Variants in SGCD observed in about 807,000 individuals in gnomAD.
SGCD encodes sarcoglycan delta, also known as delta-sarcoglycan.
SGCD carries 18 observed loss-of-function variants against 36.6 expected under a neutral mutation model. The observed-to-expected ratio is 0.49, with a 90% confidence interval of 0.34 to 0.73. The LOEUF (loss-of-function observed/expected upper bound fraction) is 0.73, where lower values mean the gene tolerates loss of function less well. Among genes scored for constraint, SGCD ranks in the 30% least tolerant of loss-of-function variants. The pLI is 0.01. For synonymous variants in SGCD, 133 were observed against 130.6 expected (o/e 1.02, Z -0.12); for missense variants, 387 against 346.7 (o/e 1.12, Z -0.92).
At position 156,415,869 on chromosome 5, in the gene SGCD, C is replaced by T. The variant is rs191882385; in HGVS notation, c.192+71192C>T. Among the ~76,000 whole-genome samples the T allele has an allele frequency of 3.2e-3, 485 of 152,188 alleles. 2 individuals carry two copies. Among genetic ancestry groups the T allele is most frequent in the Non-Finnish European group, 4.6e-3 (312 of 67,994 alleles). On this transcript the variant is annotated intron_variant, in intron 3 of 8. Coordinates refer to ENST00000337851, the MANE Select transcript of SGCD (RefSeq NM_000337.6). Reference sequence around the variant, plus strand: ...AATTTACTTCTAATTAGGGGAAAGTCGCTTTAAAACTTTTAGCTAAAATAG... The same window carrying T: ...AATTTACTTCTAATTAGGGGAAAGTTGCTTTAAAACTTTTAGCTAAAATAG...
chr5:155,856,916 C>T, the SGCD span, among the ~76,000 whole-genome samples: 4 of 152,074 alleles, frequency 2.6e-5, no homozygotes, highest in Admixed American at 2.0e-4. Flanking sequence ...GCAACCACTT[C>T]GAAAACAGCT....
At chr5:156,615,094 C>G (rs1761972180) in intron 6 of SGCD, among the ~76,000 whole-genome samples, 1 of 152,140 alleles carries the variant, frequency 6.6e-6, no homozygotes, top group Non-Finnish European at 1.5e-5. Context: ...GCTTTAATTT[C>G]AGAACACATT....
intron 7 of SGCD, among the ~76,000 whole-genome samples, chr5:156,703,166 C>T (rs990142295): frequency 6.6e-6 from 1 of 152,150 alleles, no homozygotes; most frequent in Admixed American, 6.5e-5. Context: ...TCTCATGTCT[C>T]CTGCTAGCAT....
At chr5:156,206,868 C>T (rs1764294290) in intron 3 of SGCD, among the ~76,000 whole-genome samples, 1 of 151,834 alleles carries the variant, frequency 6.6e-6, no homozygotes, top group African/African-American at 2.4e-5. Flanking sequence ...AAGGTGACTC[C>T]CTAGGCTCTT....
chr5:155,950,884 C>A (rs990639324), intron 1 of SGCD, among the ~76,000 whole-genome samples: 2 of 152,138 alleles, frequency 1.3e-5, no homozygotes, highest in Non-Finnish European at 2.9e-5. Context: ...ACCTAAAAAT[C>A]CTCCTTTAAA....
chr5:156,141,032 C>T (rs925518914), intron 3 of SGCD, among the ~76,000 whole-genome samples: 15 of 152,132 alleles, frequency 9.9e-5, no homozygotes, highest in Non-Finnish European at 2.9e-5. Context: ...TCCTGAATTC[C>T]AGCACACTGC....
intron 4 of SGCD, among the ~76,000 whole-genome samples, chr5:156,577,135 C>T (rs10040642): frequency 0.36 from 55,272 of 151,920 alleles, 12,480 homozygotes; most frequent in African/African-American, 0.65. Context: ...TTTCTACATA[C>T]GGCTAGCCAG....
At chr5:156,157,155 G>A (rs1450251706) in intron 3 of SGCD, among the ~76,000 whole-genome samples, 10 of 151,548 alleles carry the variant, frequency 6.6e-5, no homozygotes. Context: ...ATCTTCTCTG[G>A]CCATGAACAA....
At chr5:156,501,290 C>T (rs1404525753) in intron 3 of SGCD, among the ~76,000 whole-genome samples, 1 of 152,148 alleles carries the variant, frequency 6.6e-6, no homozygotes, top group Non-Finnish European at 1.5e-5. Flanking sequence ...ACAGGAAACC[C>T]CACTGCAGTT....
intron 7 of SGCD, among the ~76,000 whole-genome samples, chr5:156,650,428 G>C (rs990199088): frequency 6.6e-6 from 1 of 152,036 alleles, no homozygotes; most frequent in Non-Finnish European, 1.5e-5. Flanking sequence ...GAGTACGAAT[G>C]ATCCGTCACC....
At chr5:156,557,252 C>A (rs909420648) in intron 4 of SGCD, among the ~76,000 whole-genome samples, 7 of 152,160 alleles carry the variant, frequency 4.6e-5, no homozygotes, top group Non-Finnish European at 8.8e-5. Flanking sequence ...CATAGCAACA[C>A]CATCTGTCCC....
chr5:156,027,994 C>G (rs932750188), intron 1 of SGCD, among the ~76,000 whole-genome samples: 1 of 152,166 alleles, frequency 6.6e-6, no homozygotes, highest in African/African-American at 2.4e-5. Context: ...TGTGAAGCTT[C>G]TTTAATAAGA....
intron 1 of SGCD, among the ~76,000 whole-genome samples, chr5:156,092,301 G>A (rs1433612405): frequency 6.6e-6 from 1 of 152,220 alleles, no homozygotes; most frequent in Non-Finnish European, 1.5e-5. Context: ...TCAACCTGAA[G>A]CTGAGAAAGG....
Position 156,574,591 on chromosome 5 carries a change from G to A in SGCD, c.295-14640G>A, listed in dbSNP as rs148838476. ...AACAGCACACCACAAAGAAAGGCTC[G>A]AGTAACCCCAGGGTTAGTAGTCTGG... On this transcript the variant is annotated intron_variant, in intron 4 of 8. Coordinates refer to ENST00000337851, the MANE Select transcript of SGCD (RefSeq NM_000337.6). Among the ~76,000 whole-genome samples, 1,238 of 152,220 alleles carry A rather than the reference G, an allele frequency of 8.1e-3. 17 individuals carry two copies. Among genetic ancestry groups the A allele is most frequent in the Middle Eastern group, 0.027 (8 of 294 alleles).
the SGCD span, among the ~76,000 whole-genome samples, chr5:155,821,820 C>T: frequency 0.054 from 8,157 of 152,104 alleles, 501 homozygotes; most frequent in African/African-American, 0.15. Context: ...ATTAATTATA[C>T]TAATATTTAT....
rs142285759 is a variant in SGCD at position 155,893,584 on chromosome 5, G to A, written c.-282+23160G>A. ...GAGAGGCATAATGAAGATGGAAAAC[G>A]CCTGAATTTAAGTCCCAGCTGACCA... On this transcript the variant is annotated intron_variant, in intron 1 of 9. Coordinates refer to the SGCD transcript ENST00000517913. 3.9e-3 allele frequency among the ~76,000 whole-genome samples: 600 copies of A among 152,252 alleles called. 5 individuals carry two copies. The highest frequency in any genetic ancestry group is 0.013 in the African/African-American group (531 of 41,550).
chr5:156,624,696 C>T (rs1351805024), intron 6 of SGCD, among the ~76,000 whole-genome samples: 4 of 152,158 alleles, frequency 2.6e-5, no homozygotes, highest in Admixed American at 1.3e-4. Flanking sequence ...AAAATGAATT[C>T]TAGAGTACGA....
chr5:155,998,344 T>C (rs962145743), intron 1 of SGCD, among the ~76,000 whole-genome samples: 1 of 152,138 alleles, frequency 6.6e-6, no homozygotes, highest in Non-Finnish European at 1.5e-5. Flanking sequence ...GAAAAATAAT[T>C]TTCAAAATAT....
chr5:156,410,288 G>T (rs1446797185), intron 3 of SGCD, among the ~76,000 whole-genome samples: 1 of 151,714 alleles, frequency 6.6e-6, no homozygotes, highest in Non-Finnish European at 1.5e-5. Context: ...CATAGGAAGA[G>T]AAAACCAAAT....
Sources: allele counts gnomAD v4.1 joint callset (sites outside exome capture counted in the v4.1 genomes callset), GRCh38; gene constraint gnomAD v4.1.1; transcripts MANE v1.5; gene names NCBI Gene and HGNC (gene_info 2026-07-23, HGNC 2026-07-21).